Variants in DPT observed in about 807,000 individuals in gnomAD.
DPT encodes the protein dermatopontin, also known as tyrosine-rich acidic matrix protein.
DPT carries 21 observed loss-of-function variants against 31.2 expected under a neutral mutation model. That is an observed-to-expected ratio of 0.67 (90% CI 0.48 to 0.97). The LOEUF (loss-of-function observed/expected upper bound fraction) is 0.97, where lower values mean the gene tolerates loss of function less well. Among genes scored for constraint, DPT ranks in the 50% least tolerant of loss-of-function variants. The pLI, the probability that DPT is intolerant of heterozygous loss-of-function variation, is 0.00. For missense variants in DPT, 262 were observed against 258.8 expected (o/e 1.01, Z -0.08); for synonymous variants, 91 against 86.9 (o/e 1.05, Z -0.26).
At position 168,729,018 on chromosome 1, in the gene DPT, CCTGGGGACA is replaced by C. The variant is rs1436671892; in HGVS notation, c.148_156del (p.Cys50_Gln52del). 6.2e-7 allele frequency: 1 copy of C among 1,614,098 alleles called. No homozygotes were observed. The highest frequency in any genetic ancestry group is 8.5e-7 in the Non-Finnish European group (1 of 1,180,048). On this transcript the variant is annotated inframe_deletion, in exon 1 of 4. Transcript: ENST00000367817. ...CTCCTCACGGCCACTATCACCTGCCCCTGGGGACACTGGTAGCTGAAGCCTTGCCGGTTC... is the reference window on the plus strand; with the variant it reads ...CTCCTCACGGCCACTATCACCTGCCCCTGGTAGCTGAAGCCTTGCCGGTTC...
At chr1:168,712,560 G>A (rs1649893136) in intron 2 of DPT, among the ~76,000 whole-genome samples, 1 of 152,204 alleles carries the variant, frequency 6.6e-6, no homozygotes, top group Non-Finnish European at 1.5e-5. Flanking sequence ...CTTGTGGGAA[G>A]TGCCATTCTG....
At chr1:168,714,429 C>A in intron 1 of DPT, 83 bp from the exon 2 acceptor site, 1 of 1,516,698 alleles carries the variant, frequency 6.6e-7, no homozygotes, top group South Asian at 1.2e-5. Context: ...CACAGTTACA[C>A]ACTCTTTCTC....
chr1:168,719,255 A>C (rs1174499966), intron 1 of DPT, among the ~76,000 whole-genome samples: 2 of 152,164 alleles, frequency 1.3e-5, no homozygotes, highest in East Asian at 3.9e-4. Context: ...CTGCAGCTCC[A>C]TGATGAGGGG....
chr1:168,725,529 T>C (rs1650222599), intron 1 of DPT, among the ~76,000 whole-genome samples: 1 of 152,184 alleles, frequency 6.6e-6, no homozygotes, highest in African/African-American at 2.4e-5. Context: ...CAGCCTGTGC[T>C]GACCCAAGTT....
At chr1:168,698,069 C>G (rs562267831) in intron 3 of DPT, among the ~76,000 whole-genome samples, 1 of 152,204 alleles carries the variant, frequency 6.6e-6, no homozygotes, top group Non-Finnish European at 1.5e-5. Context: ...TGCAAGCCCT[C>G]TTTTCAACAA....
At chr1:168,713,468 C>G (rs7525963) in intron 2 of DPT, among the ~76,000 whole-genome samples, 1 of 152,136 alleles carries the variant, frequency 6.6e-6, no homozygotes, top group Admixed American at 6.5e-5. Context: ...AGGGAGCCAA[C>G]CTTCACATGT....
intron 2 of DPT, among the ~76,000 whole-genome samples, chr1:168,706,003 CTG>C (rs1467879280): frequency 6.6e-6 from 1 of 152,202 alleles, no homozygotes; most frequent in Non-Finnish European, 1.5e-5. Flanking sequence ...AGCCATGGAA[CTG>C]TGAGTTCTCC....
chr1:168,713,833 A>G (rs760863695), intron 2 of DPT, among the ~76,000 whole-genome samples: 1 of 152,152 alleles, frequency 6.6e-6, no homozygotes, highest in Non-Finnish European at 1.5e-5. Flanking sequence ...ACAGGAAACT[A>G]GGTTCCCAAA....
intron 3 of DPT, among the ~76,000 whole-genome samples, chr1:168,698,766 C>G (rs757985440): frequency 6.6e-6 from 1 of 152,106 alleles, no homozygotes; most frequent in South Asian, 2.1e-4. Flanking sequence ...GATGGAACAA[C>G]AGCATTCTAA....
chr1:168,713,180 C>T (rs1048650106), intron 2 of DPT, among the ~76,000 whole-genome samples: 1 of 152,182 alleles, frequency 6.6e-6, no homozygotes, highest in African/African-American at 2.4e-5. Context: ...CAGGCCTGTT[C>T]ACCCACTGTA....
At chr1:168,719,182 T>C (rs1037019047) in intron 1 of DPT, among the ~76,000 whole-genome samples, 2 of 152,162 alleles carry the variant, frequency 1.3e-5, no homozygotes, top group African/African-American at 4.8e-5. Flanking sequence ...GCCCTGAAAC[T>C]CCCTCCAAGT....
chr1:168,725,203 T>TCTTTCCTTTCCTTTCCTTTC (rs1650210656), intron 1 of DPT, among the ~76,000 whole-genome samples: 2 of 61,966 alleles, frequency 3.2e-5, no homozygotes, highest in African/African-American at 1.5e-4. Flanking sequence ...CCTTTGCTTT[T>TCTTTCCTTTCCTTTCCTTTC]CTTTCCTTTC....
intron 1 of DPT, among the ~76,000 whole-genome samples, chr1:168,715,918 G>A (rs892267273): frequency 6.6e-6 from 1 of 152,234 alleles, no homozygotes; most frequent in African/African-American, 2.4e-5. Context: ...CTATGTGCAT[G>A]GCCAGACAGC....
chr1:168,706,009 G>A (rs1250698304), intron 2 of DPT, among the ~76,000 whole-genome samples: 1 of 152,198 alleles, frequency 6.6e-6, no homozygotes, highest in South Asian at 2.1e-4. Context: ...GGAACTGTGA[G>A]TTCTCCATTA....
chr1:168,709,917 T>C (rs1161315952), intron 2 of DPT, among the ~76,000 whole-genome samples: 1 of 152,228 alleles, frequency 6.6e-6, no homozygotes, highest in Non-Finnish European at 1.5e-5. Context: ...AAAGAAGTCT[T>C]TGTCAACTAT....
chr1:168,704,598 T>G (rs189862937), intron 2 of DPT, among the ~76,000 whole-genome samples: 23 of 152,152 alleles, frequency 1.5e-4, no homozygotes, highest in Non-Finnish European at 2.5e-4. Flanking sequence ...GTGTGGGGTG[T>G]GTGTGTGTGT....
At chr1:168,708,072 G>A (rs188252577) in intron 2 of DPT, among the ~76,000 whole-genome samples, 27 of 152,052 alleles carry the variant, frequency 1.8e-4, no homozygotes, top group Non-Finnish European at 1.9e-4. Context: ...ATATCCTCCT[G>A]TTTACTTTAA....
At chr1:168,697,631 C>T (rs1364745296) in intron 3 of DPT, among the ~76,000 whole-genome samples, 2 of 152,170 alleles carry the variant, frequency 1.3e-5, no homozygotes, top group South Asian at 2.1e-4. Flanking sequence ...TTTTGAGTGC[C>T]TACATTGCAT....
At chr1:168,697,694 C>T (rs1309329083) in intron 3 of DPT, among the ~76,000 whole-genome samples, 2 of 152,206 alleles carry the variant, frequency 1.3e-5, no homozygotes, top group Non-Finnish European at 2.9e-5. Flanking sequence ...ATTGTAGCCT[C>T]TAATATATCT....
Sources: allele counts gnomAD v4.1 joint callset (sites outside exome capture counted in the v4.1 genomes callset), GRCh38; gene constraint gnomAD v4.1.1; transcripts MANE v1.5; gene names NCBI Gene and HGNC (gene_info 2026-07-23, HGNC 2026-07-21).